Variants in PIK3C2G observed in about 807,000 individuals in gnomAD.
PIK3C2G encodes phosphatidylinositol 3-kinase C2 domain-containing subunit gamma.
PIK3C2G carries 168 observed loss-of-function variants against 181.1 expected under a neutral mutation model. The ratio of observed to expected loss-of-function variants is 0.93; its 90% CI spans 0.82 to 1.05. The LOEUF (loss-of-function observed/expected upper bound fraction) is 1.05. Ranked by LOEUF, PIK3C2G falls within the 50% of genes least tolerant of loss-of-function variation. The pLI is 0.00. For missense variants in PIK3C2G, 1,869 were observed against 1,732.8 expected, an observed-to-expected ratio of 1.08 and a Z score of -1.40; for synonymous variants, 573 against 592.2, an observed-to-expected ratio of 0.97 and a Z score of 0.47.
chr12:18,313,743 T>C (rs1240852737), intron 5 of PIK3C2G, among the ~76,000 whole-genome samples: 1 of 152,108 alleles, frequency 6.6e-6, no homozygotes, highest in South Asian at 2.1e-4. Context: ...TTTATATCTA[T>C]ATATCTATAT....
intron 29 of PIK3C2G, among the ~76,000 whole-genome samples, chr12:18,568,941 T>C (rs550121592): frequency 3.3e-5 from 5 of 152,058 alleles, no homozygotes; most frequent in Non-Finnish European, 4.4e-5. Context: ...CAAAAGAAAA[T>C]TGAACAGTTC....
intron 24 of PIK3C2G, among the ~76,000 whole-genome samples, chr12:18,524,906 T>G (rs1943139020): frequency 6.6e-6 from 1 of 152,016 alleles, no homozygotes; most frequent in Non-Finnish European, 1.5e-5. Flanking sequence ...GATTTTTTTT[T>G]GAAGATTAAA....
chr12:18,701,622 TCC>T, the PIK3C2G span: 1 of 1,491,072 alleles, frequency 6.7e-7, no homozygotes, highest in Non-Finnish European at 9.0e-7. Flanking sequence ...CTCCTCCTCC[TCC>T]TCCTCCTCCT....
At chr12:18,516,741 A>C (rs765669452) in intron 24 of PIK3C2G, among the ~76,000 whole-genome samples, 1 of 151,870 alleles carries the variant, frequency 6.6e-6, no homozygotes, top group South Asian at 2.1e-4. Context: ...ACAAGTCTAA[A>C]TGGGGTTTTC....
chr12:18,627,529 T>C (rs1380081498), intron 31 of PIK3C2G, among the ~76,000 whole-genome samples: 1 of 152,150 alleles, frequency 6.6e-6, no homozygotes, highest in Non-Finnish European at 1.5e-5. Flanking sequence ...TTGACAGAGA[T>C]AGACCTGTGG....
At chr12:18,429,430 G>A (rs1347503118) in intron 18 of PIK3C2G, among the ~76,000 whole-genome samples, 1 of 152,126 alleles carries the variant, frequency 6.6e-6, no homozygotes, top group Admixed American at 6.5e-5. Context: ...AAGGCTCTGA[G>A]TCAATTGCCT....
At chr12:18,561,486 A>G (rs925164444) in intron 26 of PIK3C2G, among the ~76,000 whole-genome samples, 4 of 152,122 alleles carry the variant, frequency 2.6e-5, no homozygotes, top group East Asian at 1.9e-4. Flanking sequence ...CTCTGAAAAT[A>G]AAAAAAGGAA....
intron 6 of PIK3C2G, 82 bp from the exon 7 acceptor site, chr12:18,320,880 C>A: frequency 2.7e-6 from 2 of 730,846 alleles, no homozygotes; most frequent in South Asian, 3.4e-5. Context: ...AATAAAATGA[C>A]AGCAGGAAGT....
intron 27 of PIK3C2G, 46 bp downstream of exon 27, chr12:18,562,938 A>G (rs1945428225): frequency 1.6e-6 from 2 of 1,274,528 alleles, no homozygotes; most frequent in African/African-American, 1.5e-5. Context: ...ACTTGACTTT[A>G]TCTCAGACTT....
downstream of PIK3C2G, among the ~76,000 whole-genome samples, chr12:18,650,436 T>A (rs182899019): frequency 3.3e-4 from 49 of 149,490 alleles, no homozygotes; most frequent in African/African-American, 1.1e-3. Context: ...GGAATTTTTT[T>A]AATCTTTGCC....
At chr12:18,466,718 G>T (rs1937920624) in intron 18 of PIK3C2G, among the ~76,000 whole-genome samples, 1 of 151,824 alleles carries the variant, frequency 6.6e-6, no homozygotes, top group African/African-American at 2.4e-5. Context: ...TCAATAAATA[G>T]CACATAGGGA....
chr12:18,330,916 C>T (rs954880290), intron 8 of PIK3C2G, among the ~76,000 whole-genome samples: 3 of 152,074 alleles, frequency 2.0e-5, no homozygotes, highest in Non-Finnish European at 4.4e-5. Context: ...TTTGTGAAGT[C>T]CAGGTTTATT....
At chr12:18,632,739 G>A (rs1313804897) in intron 31 of PIK3C2G, among the ~76,000 whole-genome samples, 1 of 152,138 alleles carries the variant, frequency 6.6e-6, no homozygotes, top group African/African-American at 2.4e-5. Context: ...AAACAGGAAG[G>A]AAGAATAAAT....
intron 24 of PIK3C2G, among the ~76,000 whole-genome samples, chr12:18,536,510 T>C (rs1943862514): frequency 6.6e-6 from 1 of 152,106 alleles, no homozygotes; most frequent in Non-Finnish European, 1.5e-5. Context: ...TGAAACCTGG[T>C]TCACAGGCCC....
chr12:18,372,205 G>A, intron 13 of PIK3C2G, among the ~76,000 whole-genome samples: 1 of 151,974 alleles, frequency 6.6e-6, no homozygotes. Context: ...ATGTGTGTGT[G>A]TGTGTGTGTG....
At chr12:18,662,405 T>G in the PIK3C2G span, among the ~76,000 whole-genome samples, 1 of 151,910 alleles carries the variant, frequency 6.6e-6, no homozygotes, top group Non-Finnish European at 1.5e-5. Flanking sequence ...TTATCCCAGA[T>G]AAACAAAAGC....
chr12:18,726,287 T>C, the PIK3C2G span, among the ~76,000 whole-genome samples: 1 of 152,174 alleles, frequency 6.6e-6, no homozygotes, highest in African/African-American at 2.4e-5. Context: ...TCATTAAACA[T>C]ACAACATAAA....
At chr12:18,476,115 T>C (rs1041647788) in intron 18 of PIK3C2G, among the ~76,000 whole-genome samples, 1 of 152,064 alleles carries the variant, frequency 6.6e-6, no homozygotes, top group Non-Finnish European at 1.5e-5. Flanking sequence ...GAACAACGAA[T>C]AGAGGAAAGT....
intron 8 of PIK3C2G, among the ~76,000 whole-genome samples, chr12:18,327,071 G>C (rs1951377591): frequency 6.6e-6 from 1 of 151,928 alleles, no homozygotes. Context: ...TTAAAAGTTG[G>C]CAAAATACCA....
Sources: gnomAD v4.1 joint callset for allele counts (sites outside exome capture counted in the v4.1 genomes callset) on GRCh38, gnomAD v4.1.1 for gene constraint, MANE v1.5 for transcripts, NCBI Gene and HGNC (gene_info 2026-07-23, HGNC 2026-07-21) for gene names.